Variants in HNF4G observed in about 807,000 individuals in gnomAD.
HNF4G encodes the protein hepatocyte nuclear factor 4-gamma.
A neutral mutation model predicts 50.9 loss-of-function variants in HNF4G; 21 were observed. The ratio of observed to expected loss-of-function variants is 0.41; its 90% CI spans 0.29 to 0.59. HNF4G has a LOEUF of 0.59. Ranked by LOEUF, HNF4G falls within the 20% of genes least tolerant of loss-of-function variation. HNF4G has a pLI of 0.26. For missense variants in HNF4G, 527 were observed against 559.4 expected (o/e 0.94, Z 0.58); for synonymous variants, 198 against 185.6 (o/e 1.07, Z -0.54).
chr8:75,552,696 A>C (rs759161812), intron 4 of HNF4G, among the ~76,000 whole-genome samples: 2 of 152,142 alleles, frequency 1.3e-5, no homozygotes, highest in African/African-American at 2.4e-5. Flanking sequence ...TTACATATGG[A>C]TACTATCTAT....
intron 1 of HNF4G, among the ~76,000 whole-genome samples, chr8:75,433,690 C>G (rs2672854): frequency 6.6e-6 from 1 of 152,038 alleles, no homozygotes; most frequent in South Asian, 2.1e-4. Flanking sequence ...TAAGCCACCA[C>G]GCTTAACTGA....
intron 1 of HNF4G, among the ~76,000 whole-genome samples, chr8:75,541,334 C>A (rs893441354): frequency 2.6e-5 from 4 of 152,060 alleles, no homozygotes; most frequent in African/African-American, 7.2e-5. Context: ...AAGTATGGCA[C>A]TAAACTTGAA....
At chr8:75,454,980 T>C (rs1482580241) in intron 1 of HNF4G, among the ~76,000 whole-genome samples, 1 of 152,158 alleles carries the variant, frequency 6.6e-6, no homozygotes, top group Non-Finnish European at 1.5e-5. Flanking sequence ...TGTTAGCATT[T>C]TGGAAGGAAT....
intron 1 of HNF4G, among the ~76,000 whole-genome samples, chr8:75,410,603 A>G (rs191211337): frequency 1.5e-4 from 23 of 152,266 alleles, no homozygotes; most frequent in South Asian, 4.1e-4. Context: ...AAACATGTGG[A>G]CCATGTTTGC....
At chr8:75,527,781 G>A (rs1158196990) in intron 2 of HNF4G, among the ~76,000 whole-genome samples, 2 of 152,130 alleles carry the variant, frequency 1.3e-5, no homozygotes, top group Non-Finnish European at 2.9e-5. Context: ...AGATCTTTCA[G>A]TTATTGTGAT....
intron 1 of HNF4G, among the ~76,000 whole-genome samples, chr8:75,422,374 T>A (rs915473743): frequency 6.6e-6 from 1 of 152,212 alleles, no homozygotes; most frequent in Admixed American, 6.5e-5. Context: ...GTTTATATGA[T>A]CAGGGCAGTG....
intron 6 of HNF4G, among the ~76,000 whole-genome samples, chr8:75,556,665 TACTTA>T (rs1807137834): frequency 6.6e-6 from 1 of 152,186 alleles, no homozygotes. Context: ...CCCGCTACCT[TACTTA>T]ACTTAAACAG....
chr8:75,437,865 G>T (rs1216824677), intron 1 of HNF4G, among the ~76,000 whole-genome samples: 4 of 151,982 alleles, frequency 2.6e-5, no homozygotes, highest in Non-Finnish European at 5.9e-5. Context: ...CAAACAAGTT[G>T]TTCATTGAAA....
At chr8:75,519,758 T>C (rs991161929) in intron 2 of HNF4G, among the ~76,000 whole-genome samples, 2 of 152,186 alleles carry the variant, frequency 1.3e-5, no homozygotes, top group African/African-American at 4.8e-5. Context: ...ACAACTTTTT[T>C]TCTTGTTTAA....
chr8:75,499,571 CA>C (rs1177665488), intron 2 of HNF4G, among the ~76,000 whole-genome samples: 22 of 108,548 alleles, frequency 2.0e-4, no homozygotes, highest in Admixed American at 1.5e-3. Context: ...CTAAAATATG[CA>C]AAAAAGAAAA....
At chr8:75,515,853 C>G (rs151054887) in intron 2 of HNF4G, among the ~76,000 whole-genome samples, 2 of 150,988 alleles carry the variant, frequency 1.3e-5, no homozygotes, top group Admixed American at 6.6e-5. Flanking sequence ...ACAACCTCCC[C>G]CTCCTGGGTT....
At chr8:75,520,271 G>A (rs1243078105) in intron 2 of HNF4G, among the ~76,000 whole-genome samples, 1 of 151,918 alleles carries the variant, frequency 6.6e-6, no homozygotes, top group African/African-American at 2.4e-5. Context: ...AATATAGAAA[G>A]AGCTCAATAG....
intron 1 of HNF4G, among the ~76,000 whole-genome samples, chr8:75,540,977 T>A (rs1410644935): frequency 6.6e-6 from 1 of 151,962 alleles, no homozygotes; most frequent in Non-Finnish European, 1.5e-5. Context: ...GTTCTATTTT[T>A]AATAAGCAGT....
chr8:75,431,696 G>A (rs565512847), intron 1 of HNF4G, among the ~76,000 whole-genome samples: 326 of 152,234 alleles, frequency 2.1e-3, no homozygotes, highest in Middle Eastern at 6.8e-3. Context: ...GGGAGGCTGA[G>A]GGGGGTGGAT....
rs1033703269 is a variant in HNF4G, at chr8:75,414,561, C to T, written c.-144+6399C>T. Among the ~76,000 whole-genome samples, 7 of 152,114 alleles carry T rather than the reference C, an allele frequency of 4.6e-5. No homozygotes were observed. In the East Asian group the frequency reaches 5.8e-4, roughly 13 times the overall value. The stretch of plus-strand genomic sequence containing the variant: ...CTGTTCCTTGCATTCCCTTCCTTCC[C>T]TGTCCCAAAGCAACCATTGATCTAC... On this transcript the variant is annotated intron_variant, in intron 1 of 10. Coordinates refer to the HNF4G transcript ENST00000354370.
chr8:75,484,325 G>T (rs982696145), intron 1 of HNF4G, among the ~76,000 whole-genome samples: 1 of 152,142 alleles, frequency 6.6e-6, no homozygotes, highest in South Asian at 2.1e-4. Context: ...ATGGAAAAAA[G>T]CTCTCTGGTT....
At chr8:75,538,414 T>C (rs1354433014), upstream of HNF4G, among the ~76,000 whole-genome samples, 2 of 152,198 alleles carry the variant, frequency 1.3e-5, no homozygotes, top group Non-Finnish European at 2.9e-5. Context: ...AAATGAGCTT[T>C]TCCTATCTTT....
chr8:75,561,873 A>G (rs1807321059), intron 9 of HNF4G, among the ~76,000 whole-genome samples: 2 of 152,172 alleles, frequency 1.3e-5, no homozygotes, highest in South Asian at 4.1e-4. Flanking sequence ...TTAATCTATT[A>G]TTGTAGCTTT....
chr8:75,448,570 A>T (rs915621358), intron 1 of HNF4G, among the ~76,000 whole-genome samples: 4 of 151,338 alleles, frequency 2.6e-5, no homozygotes, highest in Non-Finnish European at 4.4e-5. Flanking sequence ...ATATGATGTA[A>T]GTATAATATG....
Sources: gnomAD v4.1 joint callset for allele counts (sites outside exome capture counted in the v4.1 genomes callset) on GRCh38, gnomAD v4.1.1 for gene constraint, MANE v1.5 for transcripts, NCBI Gene and HGNC (gene_info 2026-07-23, HGNC 2026-07-21) for gene names.